Variants in AFG2A observed in about 807,000 individuals in gnomAD.
The protein encoded by AFG2A is AAA ATPase AFG2A.
the AFG2A span, among the ~76,000 whole-genome samples, chr4:123,185,877 C>T: frequency 6.0e-5 from 9 of 151,064 alleles, no homozygotes; most frequent in Middle Eastern, 0.01. Flanking sequence ...AGCAACAGAG[C>T]GAGACTCCGT....
the AFG2A span, among the ~76,000 whole-genome samples, chr4:123,083,215 C>T: frequency 6.6e-6 from 1 of 152,152 alleles, no homozygotes; most frequent in African/African-American, 2.4e-5. Context: ...TTAATCATAG[C>T]AGAAAAGCTT....
the AFG2A span, among the ~76,000 whole-genome samples, chr4:123,300,728 G>A: frequency 6.9e-6 from 1 of 145,938 alleles, no homozygotes; most frequent in Non-Finnish European, 1.5e-5. Context: ...TAAATTTTCA[G>A]TTGTATTATC....
chr4:123,026,410 TAAA>T, the AFG2A span, among the ~76,000 whole-genome samples: 1 of 150,494 alleles, frequency 6.6e-6, no homozygotes, highest in South Asian at 2.1e-4. Flanking sequence ...CATATAGAAC[TAAA>T]AAAAAATACT....
chr4:123,199,476 T>G, the AFG2A span, among the ~76,000 whole-genome samples: 524 of 137,616 alleles, frequency 3.8e-3, 10 homozygotes, highest in Non-Finnish European at 6.6e-3. Flanking sequence ...TTTTTTTTTT[T>G]TTTTTTTTTT....
the AFG2A span, among the ~76,000 whole-genome samples, chr4:123,279,478 G>A: frequency 1.3e-5 from 2 of 152,130 alleles, no homozygotes; most frequent in Admixed American, 6.5e-5. Flanking sequence ...TGGAAGTATA[G>A]CAAAGAGATA....
the AFG2A span, among the ~76,000 whole-genome samples, chr4:123,271,351 G>A: frequency 6.6e-6 from 1 of 152,104 alleles, no homozygotes; most frequent in African/African-American, 2.4e-5. Context: ...GCCATCTTCT[G>A]GTTCTTTTCA....
the AFG2A span, among the ~76,000 whole-genome samples, chr4:123,001,669 C>T: frequency 3.3e-5 from 5 of 151,864 alleles, no homozygotes; most frequent in Non-Finnish European, 7.4e-5. Context: ...GTCTGAGAGA[C>T]AGTTTGTTAT....
chr4:123,049,195 A>G, the AFG2A span, among the ~76,000 whole-genome samples: 1 of 152,190 alleles, frequency 6.6e-6, no homozygotes, highest in Non-Finnish European at 1.5e-5. Flanking sequence ...TCATCCTTGC[A>G]TCCCTGGGAT....
chr4:123,125,397 A>G, the AFG2A span, among the ~76,000 whole-genome samples: 5 of 152,238 alleles, frequency 3.3e-5, no homozygotes, highest in East Asian at 9.7e-4. Flanking sequence ...TGGCTCTATT[A>G]TTATCTGCTG....
chr4:122,924,878 A>G, the AFG2A span, among the ~76,000 whole-genome samples: 1 of 152,206 alleles, frequency 6.6e-6, no homozygotes, highest in Admixed American at 6.5e-5. Context: ...AATTTTTATT[A>G]AACAGATGTG....
At chr4:123,066,579 A>C in the AFG2A span, among the ~76,000 whole-genome samples, 1 of 152,128 alleles carries the variant, frequency 6.6e-6, no homozygotes, top group African/African-American at 2.4e-5. Context: ...GAAAAAGTAC[A>C]TTTATTTCAG....
At chr4:122,927,187 CA>C in the AFG2A span, among the ~76,000 whole-genome samples, 1 of 152,040 alleles carries the variant, frequency 6.6e-6, no homozygotes, top group Non-Finnish European at 1.5e-5. Context: ...CTTGGTAATA[CA>C]AAAGAAAAAG....
At chr4:123,062,553 GATAT>G in the AFG2A span, among the ~76,000 whole-genome samples, 6,187 of 152,000 alleles carry the variant, frequency 0.041, 404 homozygotes, top group African/African-American at 0.14. Flanking sequence ...TACTATGTAA[GATAT>G]ATATAGCAAT....
chr4:123,266,939 T>C, the AFG2A span, among the ~76,000 whole-genome samples: 1 of 152,024 alleles, frequency 6.6e-6, no homozygotes, highest in Admixed American at 6.6e-5. Flanking sequence ...TATTTTGCTC[T>C]TTCTTTGAAG....
At chr4:123,058,286 G>T in the AFG2A span, among the ~76,000 whole-genome samples, 1 of 152,184 alleles carries the variant, frequency 6.6e-6, no homozygotes, top group Non-Finnish European at 1.5e-5. Flanking sequence ...GTGGTGACAG[G>T]CAAGAGAGAA....
chr4:123,113,962 G>A, the AFG2A span, among the ~76,000 whole-genome samples: 3 of 151,850 alleles, frequency 2.0e-5, no homozygotes, highest in South Asian at 4.2e-4. Flanking sequence ...TTGTCCCGAC[G>A]AATGTTCAGC....
chr4:123,109,524 CATATG>C, the AFG2A span, among the ~76,000 whole-genome samples: 1 of 152,078 alleles, frequency 6.6e-6, no homozygotes, highest in Admixed American at 6.5e-5. Context: ...AAGAAATACT[CATATG>C]ATAGATCTCT....
At chr4:123,001,271 T>G in the AFG2A span, among the ~76,000 whole-genome samples, 1 of 152,352 alleles carries the variant, frequency 6.6e-6, no homozygotes, top group East Asian at 1.9e-4. Context: ...GATTCATTAA[T>G]GTTTTGAAGG....
At chr4:122,970,675 T>C in the AFG2A span, among the ~76,000 whole-genome samples, 1 of 151,974 alleles carries the variant, frequency 6.6e-6, no homozygotes, top group African/African-American at 2.4e-5. Flanking sequence ...TTAGAAGCAA[T>C]AGGCTATACC....
Sources: gnomAD v4.1 joint callset for allele counts (sites outside exome capture counted in the v4.1 genomes callset) on GRCh38, gnomAD v4.1.1 for gene constraint, MANE v1.5 for transcripts, NCBI Gene and HGNC (gene_info 2026-07-23, HGNC 2026-07-21) for gene names.